The following DOCK4 variants were observed in gnomAD, a reference collection of about 807,000 sequenced individuals.
DOCK4 encodes the protein dedicator of cytokinesis protein 4.
DOCK4 carries 97 observed loss-of-function variants against 268.1 expected under a neutral mutation model. The observed-to-expected ratio is 0.36, with a 90% CI of 0.31 to 0.43. The LOEUF (loss-of-function observed/expected upper bound fraction) is 0.43. Among genes scored for constraint, DOCK4 ranks in the 20% least tolerant of loss-of-function variants. The pLI is 1.00. For synonymous variants in DOCK4, 954 were observed against 887.2 expected (o/e 1.08, Z -1.34); for missense variants, 2,145 against 2,455.7 (o/e 0.87, Z 2.67).
chr7:111,901,227 G>C (rs1472439351), intron 14 of DOCK4, among the ~76,000 whole-genome samples: 2 of 149,982 alleles, frequency 1.3e-5, no homozygotes. Context: ...CCAGTTACTT[G>C]AAGGGCTGGG....
chr7:111,994,097 T>C (rs767710270), intron 5 of DOCK4, 38 bp downstream of exon 5: 3 of 1,383,800 alleles, frequency 2.2e-6, no homozygotes, highest in Non-Finnish European at 3.0e-6. Context: ...AAAACAATTC[T>C]TTACCCGAAA....
chr7:111,932,606 TC>T (rs1418723231), intron 12 of DOCK4, among the ~76,000 whole-genome samples: 2 of 151,706 alleles, frequency 1.3e-5, no homozygotes, highest in African/African-American at 4.8e-5. Context: ...AGTAACCATG[TC>T]AAAAAAGTAA....
intron 32 of DOCK4, among the ~76,000 whole-genome samples, chr7:111,786,633 T>C (rs1799189971): frequency 6.6e-6 from 1 of 152,160 alleles, no homozygotes; most frequent in Non-Finnish European, 1.5e-5. Context: ...TAGGAAGCAG[T>C]GAACTACTTA....
chr7:111,911,408 G>T (rs2134492307), intron 13 of DOCK4, among the ~76,000 whole-genome samples: 1 of 152,098 alleles, frequency 6.6e-6, no homozygotes, highest in East Asian at 1.9e-4. Flanking sequence ...GTTGCTTTCA[G>T]TTGTTTAAGG....
chr7:111,758,322 C>A (rs1797173654), intron 41 of DOCK4, among the ~76,000 whole-genome samples: 1 of 152,194 alleles, frequency 6.6e-6, no homozygotes, highest in African/African-American at 2.4e-5. Flanking sequence ...CAGGAGTTCT[C>A]AAAGACTGGT....
intron 15 of DOCK4, among the ~76,000 whole-genome samples, chr7:111,896,486 G>GCTTTTTTTTTTTT: frequency 7.5e-6 from 1 of 134,006 alleles, no homozygotes; most frequent in Admixed American, 7.2e-5. Flanking sequence ...TTTCCACCAA[G>GCTTTTTTTTTTTT]GTTTTTTTTT....
At chr7:111,872,744 T>G (rs1806526678) in intron 17 of DOCK4, among the ~76,000 whole-genome samples, 180 bp from the exon 18 acceptor site, 1 of 152,206 alleles carries the variant, frequency 6.6e-6, no homozygotes, top group South Asian at 2.1e-4. Flanking sequence ...TTTCACTGTA[T>G]TCTGTTTCCT....
At chr7:112,121,466 G>C (rs983056001) in intron 1 of DOCK4, among the ~76,000 whole-genome samples, 3 of 152,094 alleles carry the variant, frequency 2.0e-5, no homozygotes, top group African/African-American at 7.2e-5. Flanking sequence ...CAGGGGCAAG[G>C]TTCCTTCTCT....
chr7:111,907,916 A>G (rs1363182815), intron 13 of DOCK4, among the ~76,000 whole-genome samples: 1 of 152,008 alleles, frequency 6.6e-6, no homozygotes, highest in Non-Finnish European at 1.5e-5. Flanking sequence ...TTTTGTAAAG[A>G]CAGGGTTTTG....
At chr7:112,117,022 C>T (rs1028888832) in intron 1 of DOCK4, among the ~76,000 whole-genome samples, 3 of 152,180 alleles carry the variant, frequency 2.0e-5, no homozygotes, top group Non-Finnish European at 4.4e-5. Context: ...CTGAAAGAAA[C>T]AGTAACTGAA....
chr7:111,823,725 T>A (rs77111015), intron 26 of DOCK4, among the ~76,000 whole-genome samples: 2,733 of 152,288 alleles, frequency 0.018, 95 homozygotes, highest in African/African-American at 0.063. Flanking sequence ...GGAAAATATA[T>A]TTCTCTAACA....
intron 1 of DOCK4, among the ~76,000 whole-genome samples, chr7:112,069,504 T>C (rs1485492298): frequency 6.6e-6 from 1 of 152,210 alleles, no homozygotes; most frequent in African/African-American, 2.4e-5. Context: ...AAACTGTCGT[T>C]CTCAGTTTCC....
At chr7:111,868,758 A>G (rs1049908915) in intron 21 of DOCK4, among the ~76,000 whole-genome samples, 5 of 152,210 alleles carry the variant, frequency 3.3e-5, no homozygotes, top group Non-Finnish European at 5.9e-5. Flanking sequence ...GAGTATGATG[A>G]ACACTAAGTG....
At chr7:112,059,895 CAAG>C (rs1806240031) in intron 1 of DOCK4, among the ~76,000 whole-genome samples, 2 of 152,092 alleles carry the variant, frequency 1.3e-5, no homozygotes, top group South Asian at 4.2e-4. Flanking sequence ...AAACTCAGAA[CAAG>C]AAGAAAGATG....
chr7:112,026,849 C>A (rs1329702728), intron 1 of DOCK4, among the ~76,000 whole-genome samples: 5 of 152,154 alleles, frequency 3.3e-5, no homozygotes, highest in African/African-American at 7.2e-5. Flanking sequence ...GCCTATTACT[C>A]TCCCGGTCAT....
rs556124586 is a variant in DOCK4, at chr7:112,125,896, C to T, written c.37+80206G>A. 1.1e-4 allele frequency among the ~76,000 whole-genome samples: 17 copies of T among 152,118 alleles called. 1 individual carries two copies. In the South Asian group the frequency reaches 3.5e-3, roughly 32 times the overall value. ...TGATCATGGCTCATTGCAGCCTTGA[C>T]CTCCCTGTCTCAGGAGATTATCTCA... On this transcript the variant is annotated intron_variant, in intron 1 of 52. Transcript: ENST00000428084.
chr7:111,784,535 C>A, intron 32 of DOCK4: 1 of 451,130 alleles, frequency 2.2e-6, no homozygotes, highest in Non-Finnish European at 4.5e-6. Context: ...TGCACTCACT[C>A]AACAGTTTCA....
intron 1 of DOCK4, among the ~76,000 whole-genome samples, chr7:112,134,672 C>A (rs574113118): frequency 7.2e-5 from 11 of 152,096 alleles, no homozygotes; most frequent in Non-Finnish European, 1.6e-4. Flanking sequence ...GCTGAGATTG[C>A]GCCACTGCAC....
chr7:112,195,033 C>A (rs1032686158), intron 1 of DOCK4, among the ~76,000 whole-genome samples: 5 of 152,128 alleles, frequency 3.3e-5, no homozygotes, highest in Non-Finnish European at 7.4e-5. Flanking sequence ...AATTCCATCC[C>A]TTTGGGAGGC....
Sources: allele counts gnomAD v4.1 joint callset (sites outside exome capture counted in the v4.1 genomes callset), GRCh38; gene constraint gnomAD v4.1.1; transcripts MANE v1.5; gene names NCBI Gene and HGNC (gene_info 2026-07-23, HGNC 2026-07-21).